IPO9: variants seen among roughly 807,000 people sequenced by gnomAD.
IPO9 encodes the protein importin 9.
A neutral mutation model predicts 128.6 loss-of-function variants in IPO9; 28 were observed. The observed-to-expected ratio is 0.22, with a 90% confidence interval of 0.16 to 0.30. The LOEUF (loss-of-function observed/expected upper bound fraction) is 0.30, where lower values mean the gene tolerates loss of function less well. Among genes scored for constraint, IPO9 ranks in the 10% least tolerant of loss-of-function variants. The pLI is 1.00. For synonymous variants in IPO9, 455 were observed against 475.8 expected, an observed-to-expected ratio of 0.96 and a Z score of 0.57; for missense variants, 935 against 1,293.9, an observed-to-expected ratio of 0.72 and a Z score of 4.26.
At chr1:201,851,050 C>G (rs1680205948) in intron 4 of IPO9, among the ~76,000 whole-genome samples, 1 of 152,150 alleles carries the variant, frequency 6.6e-6, no homozygotes, top group Admixed American at 6.6e-5. Flanking sequence ...TGGTCTCACT[C>G]TGTCACCCAG....
chr1:201,857,723 A>T (rs1461539106), intron 11 of IPO9, among the ~76,000 whole-genome samples: 2 of 144,922 alleles, frequency 1.4e-5, no homozygotes, highest in Non-Finnish European at 3.0e-5. Context: ...TGAACCCGGG[A>T]GGCGGAGGTT....
At chr1:201,836,979 A>G (rs1156736834) in intron 1 of IPO9, among the ~76,000 whole-genome samples, 2 of 152,240 alleles carry the variant, frequency 1.3e-5, no homozygotes, top group Non-Finnish European at 1.5e-5. Context: ...GAGCAAATAT[A>G]TGTTACTTGA....
In IPO9 at chr1:201,829,171, G is replaced by C. The variant is rs1191220030; in HGVS notation, c.-39G>C. On this transcript the variant is annotated 5_prime_UTR_variant, in exon 1 of 24. Coordinates refer to ENST00000361565, the MANE Select transcript of IPO9 (RefSeq NM_018085.5). ...GCGCGGGGGCCGTCATTCGGTGGCG[G>C]GTCCCGGCCGCGGGGCTGGCGGGCT... 4.1e-6 allele frequency: 6 copies of C among 1,448,138 alleles called. No individual in the cohort carries two copies. Among genetic ancestry groups the C allele is most frequent in the Non-Finnish European group, 4.5e-6 (5 of 1,100,968 alleles). 89.7% of individuals were successfully genotyped at this position (1,448,138 alleles called of 1,614,324 possible).
chr1:201,869,794 C>T (rs1156492934), intron 17 of IPO9, 76 bp downstream of exon 17: 1 of 1,497,916 alleles, frequency 6.7e-7, no homozygotes, highest in East Asian at 2.4e-5. Flanking sequence ...AGAAATCTGA[C>T]ATGGTTTTAT....
rs1266974977 is a variant in IPO9, at chr1:201,872,812, G to T, written c.2577-16G>T. On this transcript the variant is annotated splice_polypyrimidine_tract_variant and intron_variant, in intron 19 of 23. Coordinates refer to ENST00000361565, the MANE Select transcript of IPO9 (RefSeq NM_018085.5). ...ATGGGCGGCTGATTGACCTTTTTTT[G>T]GATCTTCCTTGCCAGCTCTGTGGCA... The T allele has an allele frequency of 2.5e-6, 4 of 1,592,012 alleles. No homozygotes were observed. The Admixed American group carries it at 5.4e-5, about 22-fold the overall frequency.
At chr1:201,845,457 G>A (rs1186763705) in intron 1 of IPO9, among the ~76,000 whole-genome samples, 1 of 152,304 alleles carries the variant, frequency 6.6e-6, no homozygotes, top group East Asian at 1.9e-4. Context: ...TCCCTCCAAA[G>A]GGAAGTGATG....
intron 11 of IPO9, 114 bp from the exon 12 acceptor site, chr1:201,858,333 A>G (rs1680373254): frequency 1.9e-6 from 1 of 521,284 alleles, no homozygotes; most frequent in Non-Finnish European, 3.5e-6. Context: ...GGGTTTGCAC[A>G]TGTATGTGAA....
At chr1:201,843,370 G>A (rs1190537130) in intron 1 of IPO9, among the ~76,000 whole-genome samples, 1 of 152,106 alleles carries the variant, frequency 6.6e-6, no homozygotes, top group Non-Finnish European at 1.5e-5. Context: ...TAAGACCATT[G>A]CATCAGGTAG....
At chr1:201,860,391 C>T (rs1015533629) in intron 13 of IPO9, among the ~76,000 whole-genome samples, 2 of 152,154 alleles carry the variant, frequency 1.3e-5, no homozygotes, top group African/African-American at 4.8e-5. Flanking sequence ...TCATATGCTG[C>T]ATTGTTGAAT....
intron 10 of IPO9, 49 bp downstream of exon 10, chr1:201,855,983 A>G (rs1371614833): frequency 9.7e-6 from 14 of 1,436,424 alleles, no homozygotes; most frequent in Non-Finnish European, 1.2e-5. Context: ...GGAAAGTGCA[A>G]CTTGAAGAAT....
chr1:201,830,190 G>T (rs1482573305), intron 1 of IPO9, among the ~76,000 whole-genome samples: 1 of 152,198 alleles, frequency 6.6e-6, no homozygotes, highest in African/African-American at 2.4e-5. Context: ...GAAACAGGAG[G>T]AGAAATCTTC....
rs1680830200 is a variant in IPO9, at chr1:201,878,939, G to C, written c.*2885G>C. On this transcript the variant is annotated 3_prime_UTR_variant, in exon 24 of 24. Coordinates refer to ENST00000361565, the MANE Select transcript of IPO9 (RefSeq NM_018085.5). ...CAAGGAACTAAAAAGTTCAAGGTAA[G>C]ACAAATGAGGTAAAAATAAAAAAGA... The C allele has an allele frequency of 6.6e-6, 1 of 152,194 alleles. No homozygotes were observed. Among genetic ancestry groups the C allele is most frequent in the Non-Finnish European group, 1.5e-5 (1 of 68,040 alleles). The allele number at this position is 152,194 out of a possible 1,614,324, so 9.4% of individuals were successfully genotyped here.
At chr1:201,865,989 T>C (rs1188930452) in intron 14 of IPO9, among the ~76,000 whole-genome samples, 2 of 152,238 alleles carry the variant, frequency 1.3e-5, no homozygotes, top group South Asian at 2.1e-4. Flanking sequence ...TTGCATCATC[T>C]ATCTACATCA....
chr1:201,836,755 C>A (rs182205923), intron 1 of IPO9, among the ~76,000 whole-genome samples: 14 of 152,292 alleles, frequency 9.2e-5, no homozygotes, highest in Middle Eastern at 3.4e-3. Flanking sequence ...TTCCCTCTTT[C>A]ATCCCCCTAT....
At chr1:201,864,751 A>C (rs1440453116) in intron 14 of IPO9, among the ~76,000 whole-genome samples, 1 of 152,146 alleles carries the variant, frequency 6.6e-6, no homozygotes, top group Admixed American at 6.5e-5. Flanking sequence ...TCTCTGGGGG[A>C]GATTAGAGTA....
rs1680599660 is a variant in IPO9 at position 201,868,804 on chromosome 1, G to T, written c.2004+8G>T. Reference sequence around the variant, plus strand: ...CCTGCAGGGCTTTGTGCGGTAAGTGGCCGTGTGTGTGTGTGTGTGTGTGTG... The same window carrying T: ...CCTGCAGGGCTTTGTGCGGTAAGTGTCCGTGTGTGTGTGTGTGTGTGTGTG... On this transcript the variant is annotated splice_region_variant and intron_variant, in intron 16 of 23. Coordinates refer to ENST00000361565, the MANE Select transcript of IPO9 (RefSeq NM_018085.5). The T allele has an allele frequency of 2.0e-6, 3 of 1,526,074 alleles. No homozygotes were observed. Among genetic ancestry groups the T allele is most frequent in the Admixed American group, 2.0e-5 (1 of 51,066 alleles). 94.5% of individuals were successfully genotyped at this position (1,526,074 alleles called of 1,614,324 possible). A position where few individuals can be genotyped will look rare whatever the true frequency, so the allele number is the denominator to read the frequency against.
intron 15 of IPO9, 91 bp downstream of exon 15, chr1:201,867,050 T>C: frequency 9.3e-7 from 1 of 1,074,412 alleles, no homozygotes; most frequent in Non-Finnish European, 1.4e-6. Flanking sequence ...GGTCTGGTCT[T>C]AGCTATGAAG....
rs1167111033 is a variant in IPO9 at position 201,877,911 on chromosome 1, G to A, written c.*1857G>A. 6.6e-6 allele frequency: 1 copy of A among 151,410 alleles called. No individual in the cohort carries two copies. Among genetic ancestry groups the A allele is most frequent in the Non-Finnish European group, 1.5e-5 (1 of 67,960 alleles). 9.4% of individuals were successfully genotyped at this position (151,410 alleles called of 1,614,324 possible). On this transcript the variant is annotated 3_prime_UTR_variant, in exon 24 of 24. Coordinates refer to ENST00000361565, the MANE Select transcript of IPO9 (RefSeq NM_018085.5). The stretch of plus-strand genomic sequence containing the variant: ...TGCACTACAGCCTGGGCAACAAGAG[G>A]AGCGAAACTCTGTCTCAAAAAAAAA...
chr1:201,855,259 A>C (rs971877288), intron 9 of IPO9, 77 bp downstream of exon 9: 7 of 890,960 alleles, frequency 7.9e-6, no homozygotes, highest in Non-Finnish European at 9.3e-6. Context: ...GGGGCGGGAA[A>C]CAGTAACTTG....
Sources: gnomAD v4.1 joint callset for allele counts (sites outside exome capture counted in the v4.1 genomes callset) on GRCh38, gnomAD v4.1.1 for gene constraint, MANE v1.5 for transcripts, NCBI Gene and HGNC (gene_info 2026-07-23, HGNC 2026-07-21) for gene names.